Variants in NAALADL2 observed in about 807,000 individuals in gnomAD.
NAALADL2 encodes the protein inactive N-acetylated-alpha-linked acidic dipeptidase-like protein 2.
NAALADL2 carries 76 observed loss-of-function variants against 87.2 expected under a neutral mutation model. The observed-to-expected ratio is 0.87, with a 90% CI of 0.72 to 1.05. The LOEUF (loss-of-function observed/expected upper bound fraction) is 1.05. Among genes scored for constraint, NAALADL2 ranks in the 50% least tolerant of loss-of-function variants. The probability of loss-of-function intolerance (pLI) is 0.00; values close to 1 mark genes in which losing one functional copy is unlikely to be tolerated. For synonymous variants in NAALADL2, 354 were observed against 331.0 expected, an observed-to-expected ratio of 1.07 and a Z score of -0.75; for missense variants, 1,089 against 945.8, an observed-to-expected ratio of 1.15 and a Z score of -1.99.
intron 1 of NAALADL2, among the ~76,000 whole-genome samples, chr3:175,074,819 G>A (rs1330183600): frequency 1.3e-5 from 2 of 151,840 alleles, no homozygotes; most frequent in Non-Finnish European, 2.9e-5. Flanking sequence ...TACCAGGGGT[G>A]AATGGTTGAT....
At chr3:175,734,740 A>C (rs1482071447) in intron 11 of NAALADL2, among the ~76,000 whole-genome samples, 1 of 152,096 alleles carries the variant, frequency 6.6e-6, no homozygotes, top group African/African-American at 2.4e-5. Flanking sequence ...GACTCAGGGC[A>C]CCAAGTCCCA....
chr3:174,740,585 A>AT, intron 3 of NAALADL2, among the ~76,000 whole-genome samples: 1 of 151,968 alleles, frequency 6.6e-6, no homozygotes, highest in Non-Finnish European at 1.5e-5. Flanking sequence ...TTGTTTGAAA[A>AT]TTTTCATAAA....
chr3:174,919,153 T>C (rs879894436), intron 1 of NAALADL2, among the ~76,000 whole-genome samples: 14 of 152,178 alleles, frequency 9.2e-5, no homozygotes, highest in African/African-American at 3.1e-4. Flanking sequence ...GCCTTGGCGT[T>C]GATGGCTTCT....
chr3:175,714,904 C>T (rs779412941), intron 11 of NAALADL2, among the ~76,000 whole-genome samples: 33 of 152,110 alleles, frequency 2.2e-4, no homozygotes, highest in Non-Finnish European at 4.1e-4. Flanking sequence ...AAGACTTAAA[C>T]GTAAGACCTA....
intron 11 of NAALADL2, among the ~76,000 whole-genome samples, chr3:175,704,958 G>A (rs1931162): frequency 0.27 from 41,179 of 152,018 alleles, 7,685 homozygotes; most frequent in African/African-American, 0.53. Flanking sequence ...TCAGAAAGTT[G>A]GTGCTAAAAC....
rs71312318 is a variant in NAALADL2 at position 175,182,283 on chromosome 3, T to C, written c.546-51648T>C. 7.7e-3 allele frequency among the ~76,000 whole-genome samples: 1,175 copies of C among 152,272 alleles called. 2 individuals are homozygous for C. The highest frequency in any genetic ancestry group is 0.023 in the South Asian group (111 of 4,826). On this transcript the variant is annotated intron_variant, in intron 2 of 13. Coordinates refer to ENST00000454872, the MANE Select transcript of NAALADL2 (RefSeq NM_207015.3). ...TATTGAATTGTTTAACTTTCTTATATATTTTGGATACTAGCTCTTTACCAA... is the reference window on the plus strand; with the variant it reads ...TATTGAATTGTTTAACTTTCTTATACATTTTGGATACTAGCTCTTTACCAA...
chr3:174,787,819 T>G (rs1233641658), intron 3 of NAALADL2, among the ~76,000 whole-genome samples: 1 of 151,322 alleles, frequency 6.6e-6, no homozygotes, highest in East Asian at 2.0e-4. Flanking sequence ...TTTTATACCT[T>G]TTACCTAAAT....
intron 1 of NAALADL2, among the ~76,000 whole-genome samples, chr3:174,544,224 T>C (rs1406458982): frequency 6.6e-6 from 1 of 152,200 alleles, no homozygotes; most frequent in East Asian, 1.9e-4. Context: ...CACTGACTTC[T>C]TGTTTTATTG....
intron 2 of NAALADL2, among the ~76,000 whole-genome samples, chr3:174,626,260 C>A (rs556204579): frequency 6.6e-6 from 1 of 152,064 alleles, no homozygotes; most frequent in Non-Finnish European, 1.5e-5. Context: ...ATAAAAAATT[C>A]TACCAATTGT....
intron 3 of NAALADL2, among the ~76,000 whole-genome samples, chr3:175,244,174 A>T (rs1487673936): frequency 6.6e-6 from 1 of 152,170 alleles, no homozygotes; most frequent in East Asian, 1.9e-4. Flanking sequence ...TGTGTCTTAT[A>T]ATAGTTTTAT....
At chr3:174,954,839 T>C (rs1740924222) in intron 1 of NAALADL2, among the ~76,000 whole-genome samples, 1 of 152,068 alleles carries the variant, frequency 6.6e-6, no homozygotes, top group African/African-American at 2.4e-5. Flanking sequence ...GAGAAGTTCA[T>C]AAAACATTCA....
chr3:174,473,206 C>G (rs902209646), intron 1 of NAALADL2, among the ~76,000 whole-genome samples: 13 of 152,114 alleles, frequency 8.5e-5, no homozygotes, highest in African/African-American at 3.1e-4. Flanking sequence ...ATCCCCAACT[C>G]CTCCCTGCCC....
chr3:174,579,366 A>G (rs969919239), intron 2 of NAALADL2, among the ~76,000 whole-genome samples: 1 of 152,022 alleles, frequency 6.6e-6, no homozygotes, highest in Non-Finnish European at 1.5e-5. Context: ...TCACTGGAAT[A>G]CCCCTCAGAA....
chr3:175,375,219 A>G lies in NAALADL2; in HGVS notation c.1090+50894A>G, dbSNP rs180720102. On this transcript the variant is annotated intron_variant, in intron 5 of 13. Transcript: ENST00000454872. ...TCTTGACATTTTTTTAAAAAGTGCTAGTATTCTTAATTTTTTTCTCTTTCA... is the reference window on the plus strand; with the variant it reads ...TCTTGACATTTTTTTAAAAAGTGCTGGTATTCTTAATTTTTTTCTCTTTCA... Among the ~76,000 whole-genome samples, 134 of 152,258 alleles carry G rather than the reference A, an allele frequency of 8.8e-4. 2 individuals carry two copies. The South Asian group carries it at 0.017, about 19-fold the overall frequency.
chr3:175,300,608 G>T (rs1581317944), intron 4 of NAALADL2, among the ~76,000 whole-genome samples: 1 of 151,832 alleles, frequency 6.6e-6, no homozygotes, highest in Non-Finnish European at 1.5e-5. Flanking sequence ...ATGGTAGTTT[G>T]TATTTCTGTG....
At chr3:174,929,897 G>A (rs1303239771) in intron 1 of NAALADL2, among the ~76,000 whole-genome samples, 1 of 151,998 alleles carries the variant, frequency 6.6e-6, no homozygotes, top group Non-Finnish European at 1.5e-5. Flanking sequence ...TAAGATTTTT[G>A]TAAAGAATAA....
At chr3:175,479,216 G>A (rs1560620262) in intron 9 of NAALADL2, among the ~76,000 whole-genome samples, 1 of 151,704 alleles carries the variant, frequency 6.6e-6, no homozygotes, top group African/African-American at 2.4e-5. Context: ...TGAATGGTTT[G>A]CTTGAATCTT....
intron 1 of NAALADL2, among the ~76,000 whole-genome samples, chr3:174,509,356 T>TG (rs1719430483): frequency 6.6e-6 from 1 of 151,240 alleles, no homozygotes; most frequent in African/African-American, 2.4e-5. Flanking sequence ...TTTCTCATAG[T>TG]GGGTGGAGAG....
intron 1 of NAALADL2, among the ~76,000 whole-genome samples, chr3:174,542,676 A>G (rs944178633): frequency 6.6e-6 from 1 of 152,204 alleles, no homozygotes. Context: ...GGTTATAGCT[A>G]TGTAACCAGG....
Sources: allele counts gnomAD v4.1 joint callset (sites outside exome capture counted in the v4.1 genomes callset), GRCh38; gene constraint gnomAD v4.1.1; transcripts MANE v1.5; gene names NCBI Gene and HGNC (gene_info 2026-07-23, HGNC 2026-07-21).